SLC4A4: variants seen among roughly 807,000 people sequenced by gnomAD.
The protein encoded by SLC4A4 is electrogenic sodium bicarbonate cotransporter 1.
A neutral mutation model predicts 111.5 loss-of-function variants in SLC4A4; 27 were observed. That is an observed-to-expected ratio of 0.24 (90% CI 0.18 to 0.33). The LOEUF (loss-of-function observed/expected upper bound fraction) is 0.33, where lower values mean the gene tolerates loss of function less well. Ranked by LOEUF, SLC4A4 falls within the 10% of genes least tolerant of loss-of-function variation. The pLI is 1.00. For synonymous variants in SLC4A4, 443 were observed against 463.4 expected, an observed-to-expected ratio of 0.96 and a Z score of 0.57; for missense variants, 909 against 1,315.5, an observed-to-expected ratio of 0.69 and a Z score of 4.78.
At chr4:71,234,262 G>A (rs562577585) in intron 1 of SLC4A4, among the ~76,000 whole-genome samples, 55 of 152,274 alleles carry the variant, frequency 3.6e-4, no homozygotes, top group African/African-American at 1.3e-3. Context: ...TAATTCTTGC[G>A]AACTTTGTTT....
intron 2 of SLC4A4, among the ~76,000 whole-genome samples, chr4:71,159,702 T>C (rs1383641432): frequency 2.0e-5 from 3 of 152,170 alleles, no homozygotes; most frequent in Non-Finnish European, 4.4e-5. Flanking sequence ...TTCTTAAAAA[T>C]GGAGTTGCTG....
intron 3 of SLC4A4, among the ~76,000 whole-genome samples, chr4:71,322,953 G>A (rs551372179): frequency 6.6e-6 from 1 of 151,964 alleles, no homozygotes; most frequent in Admixed American, 6.6e-5. Context: ...CAGTTAAGTA[G>A]CGTTCAGAAC....
Position 71,358,016 on chromosome 4 carries a change from A to C in SLC4A4, c.730+829A>C, listed in dbSNP as rs892770157. 2.6e-5 allele frequency among the ~76,000 whole-genome samples: 4 copies of C among 152,242 alleles called. No homozygotes were observed. The East Asian group carries it at 5.8e-4, about 22-fold the overall frequency. The stretch of plus-strand genomic sequence containing the variant: ...CTCCCATCCCACCCCCAGGCTTTTT[A>C]GTGTTAAGAGAGATGAGGCCGGGCG... On this transcript the variant is annotated intron_variant, in intron 6 of 25. Transcript: ENST00000264485.
At chr4:71,498,007 C>T (rs1196340382) in intron 16 of SLC4A4, among the ~76,000 whole-genome samples, 1 of 152,060 alleles carries the variant, frequency 6.6e-6, no homozygotes, top group Non-Finnish European at 1.5e-5. Context: ...CTTTTAAATT[C>T]ATTGTGTTTA....
chr4:71,142,314 A>G (rs1183632333), intron 2 of SLC4A4, among the ~76,000 whole-genome samples: 1 of 152,220 alleles, frequency 6.6e-6, no homozygotes, highest in Non-Finnish European at 1.5e-5. Context: ...TAAACACTGC[A>G]TATAAAAAGA....
chr4:71,533,208 A>T (rs1262583707), intron 17 of SLC4A4, among the ~76,000 whole-genome samples: 1 of 152,182 alleles, frequency 6.6e-6, no homozygotes, highest in African/African-American at 2.4e-5. Flanking sequence ...ATTAGTAAAG[A>T]TAAGTTCTCA....
At chr4:71,229,864 G>A (rs995877356) in intron 1 of SLC4A4, among the ~76,000 whole-genome samples, 6 of 148,658 alleles carry the variant, frequency 4.0e-5, no homozygotes, top group Admixed American at 1.3e-4. Flanking sequence ...AAAAGGAATG[G>A]TTGCAGCTTT....
chr4:71,451,529 G>A (rs1057185986), intron 11 of SLC4A4, among the ~76,000 whole-genome samples: 1 of 152,198 alleles, frequency 6.6e-6, no homozygotes, highest in Non-Finnish European at 1.5e-5. Flanking sequence ...AAGTGAATAA[G>A]TAAATGTGGT....
chr4:71,439,435 C>CAAAAAAAAAAAAA (rs56283596), intron 7 of SLC4A4, among the ~76,000 whole-genome samples: 7 of 34,182 alleles, frequency 2.0e-4, no homozygotes, highest in Non-Finnish European at 2.8e-4. Context: ...GACTCTGTCT[C>CAAAAAAAAAAAAA]AAAAAAAAAA....
chr4:71,527,949 A>G (rs1006975572), intron 16 of SLC4A4, among the ~76,000 whole-genome samples: 1 of 152,082 alleles, frequency 6.6e-6, no homozygotes, highest in African/African-American at 2.4e-5. Flanking sequence ...GAACTCTGGA[A>G]CACTGCAATC....
intron 14 of SLC4A4, among the ~76,000 whole-genome samples, chr4:71,473,641 A>T (rs529481130): frequency 6.6e-6 from 1 of 151,824 alleles, no homozygotes; most frequent in South Asian, 2.1e-4. Flanking sequence ...GTGATTCTCT[A>T]TATCTTAGCC....
chr4:71,175,365 C>T (rs2602084), intron 2 of SLC4A4, among the ~76,000 whole-genome samples: 27,486 of 152,136 alleles, frequency 0.18, 5,593 homozygotes, highest in African/African-American at 0.5. Context: ...AAGCGTGAGC[C>T]GAAGCAGGGC....
chr4:71,355,400 A>G (rs1730193758), intron 5 of SLC4A4, among the ~76,000 whole-genome samples: 1 of 152,226 alleles, frequency 6.6e-6, no homozygotes, highest in Non-Finnish European at 1.5e-5. Context: ...CTAATTATTT[A>G]CTGTGGAAGA....
At chr4:71,557,494 T>C (rs762575359) in intron 21 of SLC4A4, among the ~76,000 whole-genome samples, 4 of 151,980 alleles carry the variant, frequency 2.6e-5, no homozygotes, top group East Asian at 1.9e-4. Context: ...CTTTTTCTTA[T>C]ACATCTACAT....
chr4:71,492,255 A>G (rs1729999524), intron 15 of SLC4A4, among the ~76,000 whole-genome samples: 1 of 151,882 alleles, frequency 6.6e-6, no homozygotes, highest in Non-Finnish European at 1.5e-5. Context: ...CCTAGCCTCA[A>G]TGGCTTTGAA....
chr4:71,117,432 T>A (rs185696210), intron 2 of SLC4A4, among the ~76,000 whole-genome samples: 2 of 152,254 alleles, frequency 1.3e-5, no homozygotes, highest in Admixed American at 1.3e-4. Context: ...AGGTAGAGAT[T>A]GTTTGTTTGT....
At chr4:71,306,729 A>G (rs1055921338) in intron 3 of SLC4A4, among the ~76,000 whole-genome samples, 1 of 152,262 alleles carries the variant, frequency 6.6e-6, no homozygotes, top group African/African-American at 2.4e-5. Context: ...GATACATTTT[A>G]TGCTGAGTTC....
chr4:71,440,401 T>A (rs1724608797), intron 7 of SLC4A4, among the ~76,000 whole-genome samples: 1 of 152,228 alleles, frequency 6.6e-6, no homozygotes, highest in African/African-American at 2.4e-5. Flanking sequence ...TCAATATTTT[T>A]GAATTCAAGG....
intron 21 of SLC4A4, 37 bp downstream of exon 21, chr4:71,555,245 T>C (rs768824505): frequency 2.2e-6 from 3 of 1,338,674 alleles, no homozygotes; most frequent in Non-Finnish European, 3.2e-6. Flanking sequence ...ACAGTAGTGT[T>C]TTTCTAGTAG....
Sources: allele counts gnomAD v4.1 joint callset (sites outside exome capture counted in the v4.1 genomes callset), GRCh38; gene constraint gnomAD v4.1.1; transcripts MANE v1.5; gene names NCBI Gene and HGNC (gene_info 2026-07-23, HGNC 2026-07-21).